The following ACIN1 variants were observed in gnomAD, a reference collection of about 807,000 sequenced individuals.
The protein encoded by ACIN1 is apoptotic chromatin condensation inducer 1, also known as apoptotic chromatin condensation inducer in the nucleus.
A neutral mutation model predicts 146.6 loss-of-function variants in ACIN1; 16 were observed. That is an observed-to-expected ratio of 0.11 (90% CI 0.07 to 0.17). The LOEUF is 0.17. Ranked by LOEUF, ACIN1 falls within the 10% of genes least tolerant of loss-of-function variation. ACIN1 has a pLI of 1.00. For synonymous variants in ACIN1, 569 were observed against 582.7 expected, an observed-to-expected ratio of 0.98 and a Z score of 0.34; for missense variants, 1,357 against 1,609.3, an observed-to-expected ratio of 0.84 and a Z score of 2.68.
Position 23,079,641 on chromosome 14 carries a change from G to A in ACIN1, c.1694C>T (p.Pro565Leu). The A allele has an allele frequency of 3.1e-6, 5 of 1,614,196 alleles. No homozygotes were observed. Among genetic ancestry groups the A allele is most frequent in the Non-Finnish European group, 4.2e-6 (5 of 1,180,028 alleles). Residue 565 changes from proline (P) to leucine (L), a missense_variant, in exon 6 of 19, where the codon CCT (proline) becomes CTT (leucine). By Grantham distance (98) the Pro-to-Leu change is moderately conservative. Transcript: ENST00000605057. ...DVAQARTHAN[P>L]RGRPKMGSRS... ...GGAGCCCATCTTGGGTCTACCACGAGGGTTGGCATGAGTACGTGCCTGGGC... is the reference window on the plus strand; with the variant it reads ...GGAGCCCATCTTGGGTCTACCACGAAGGTTGGCATGAGTACGTGCCTGGGC...
intron 4 of ACIN1, among the ~76,000 whole-genome samples, chr14:23,083,724 G>A (rs1455225550): frequency 1.3e-5 from 2 of 152,004 alleles, no homozygotes; most frequent in African/African-American, 4.8e-5. Context: ...GCGAGACTCC[G>A]TCTCAAAAAA....
chr14:23,095,183 A>C (rs1248722632), upstream of ACIN1: 1 of 1,614,024 alleles, frequency 6.2e-7, no homozygotes, highest in Non-Finnish European at 8.5e-7. Context: ...ACGCCCTTCG[A>C]ACGTACCGAG....
Position 23,085,783 on chromosome 14 carries a change from C to T in ACIN1, c.437-3947G>A, listed in dbSNP as rs997094707. 1.6e-4 allele frequency among the ~76,000 whole-genome samples: 24 copies of T among 152,252 alleles called. No homozygotes were observed. The South Asian group carries it at 2.7e-3, about 17-fold the overall frequency. The stretch of plus-strand genomic sequence containing the variant: ...ACATGGCCACAATGAATGTCTTAGG[C>T]CAGATGTTAGTAACACGTGTAGACA... On this transcript the variant is annotated intron_variant, in intron 4 of 18. Coordinates refer to ENST00000605057, the MANE Select transcript of ACIN1 (RefSeq NM_001386863.1).
At chr14:23,071,256 C>T in intron 8 of ACIN1, 1 of 1,511,382 alleles carries the variant, frequency 6.6e-7, no homozygotes, top group East Asian at 2.5e-5. Context: ...AAAACCACAC[C>T]TTCCTTGTTC....
At chr14:23,074,134 G>A (rs556208478) in intron 8 of ACIN1, among the ~76,000 whole-genome samples, 30 of 151,614 alleles carry the variant, frequency 2.0e-4, no homozygotes, top group African/African-American at 5.3e-4. Context: ...CATCATGCCC[G>A]GCCGAAAATT....
chr14:23,080,456 A>G lies in ACIN1; in HGVS notation c.879T>C (p.His293=). The part of the protein sequence containing the change: ...TRSQEEARKS[H]LARQQQEKEM... The stretch of plus-strand genomic sequence containing the variant: ...CCTTCTCCTGCTGCTGTCTGGCCAG[A>G]TGACTTTTTCTAGCCTCTTCCTGGG... The change falls in exon 6 of 19, where the codon CAT becomes CAC. Residue 293 remains histidine, a synonymous_variant. Transcript: ENST00000605057. 1 of 1,614,016 alleles carries G rather than the reference A, an allele frequency of 6.2e-7. No homozygotes were observed. The highest frequency in any genetic ancestry group is 1.1e-5 in the South Asian group (1 of 91,072).
intron 9 of ACIN1, chr14:23,069,012 G>A (rs772373999): frequency 5.1e-6 from 5 of 986,188 alleles, no homozygotes; most frequent in Non-Finnish European, 6.0e-6. Flanking sequence ...CATCTCTGCA[G>A]TCAGACCACT....
intron 8 of ACIN1, 35 bp from the exon 9 acceptor site, chr14:23,069,652 G>GGTGGGGGGGGGGGGGGGGGGC: frequency 1.7e-6 from 1 of 577,974 alleles, no homozygotes; most frequent in African/African-American, 1.9e-5. Context: ...GGGGGGGCGG[G>GGTGGGGGGGGGGGGGGGGGGC]CAGAAAAGAA....
chr14:23,079,650 T>A lies in ACIN1; in HGVS notation c.1685A>T (p.His562Leu). The part of the protein sequence containing the change: ...KQRDVAQART[H>L]ANPRGRPKMG... ...CTTGGGTCTACCACGAGGGTTGGCA[T>A]GAGTACGTGCCTGGGCTACATCTCT... Residue 562 changes from histidine (H) to leucine (L), a missense_variant, in exon 6 of 19, where the codon CAT (histidine) becomes CTT (leucine). Physicochemically the swap from His to Leu is moderately conservative, Grantham distance 99 (BLOSUM62 -3). Transcript: ENST00000605057. 6.2e-7 allele frequency: 1 copy of A among 1,614,194 alleles called. No homozygotes were observed. Among genetic ancestry groups the A allele is most frequent in the Non-Finnish European group, 8.5e-7 (1 of 1,180,026 alleles).
chr14:23,080,171 G>T lies in ACIN1; in HGVS notation c.1164C>A (p.Pro388=). Residue 388 remains proline (P), a synonymous_variant, in exon 6 of 19, where the codon CCC becomes CCA. Transcript: ENST00000605057. ...EEIEPMEGPA[P]AVLIQLSPPN... ...GAGGAGATAACTGAATGAGGACAGC[G>T]GGGGCTGGGCCTTCCATGGGCTCTA... 2 of 1,614,016 alleles carry T rather than the reference G, an allele frequency of 1.2e-6. No individual in the cohort carries two copies. Among genetic ancestry groups the T allele is most frequent in the Non-Finnish European group, 1.7e-6 (2 of 1,179,974 alleles).
At chr14:23,064,905 A>AAAAAAAAAG (rs1033491124) in intron 10 of ACIN1, among the ~76,000 whole-genome samples, 1 of 151,868 alleles carries the variant, frequency 6.6e-6, no homozygotes, top group East Asian at 1.9e-4. Context: ...TCAAAAAAAA[A>AAAAAAAAAG]AAAAGAAAAG....
Position 23,087,006 on chromosome 14 carries a change from C to T in ACIN1, c.436+2976G>A, listed in dbSNP as rs893560661. On this transcript the variant is annotated intron_variant, in intron 4 of 18. Coordinates refer to ENST00000605057, the MANE Select transcript of ACIN1 (RefSeq NM_001386863.1). Reference sequence around the variant, plus strand: ...TGGGTAGGGGCCAGGAATCCATATTCTTAAACATAGTAATATTAAAACAAA... The same window carrying T: ...TGGGTAGGGGCCAGGAATCCATATTTTTAAACATAGTAATATTAAAACAAA... 4.6e-5 allele frequency among the ~76,000 whole-genome samples: 7 copies of T among 150,598 alleles called. No individual in the cohort carries two copies. In the South Asian group the frequency reaches 8.5e-4, roughly 18 times the overall value.
intron 5 of ACIN1, among the ~76,000 whole-genome samples, 155 bp from the exon 6 acceptor site, chr14:23,080,964 C>T (rs769100860): frequency 2.6e-5 from 4 of 152,038 alleles, no homozygotes; most frequent in African/African-American, 4.8e-5. Context: ...TCATGACTAA[C>T]GTAGCCCTTA....
In ACIN1 at chr14:23,072,560, G is replaced by A. The variant is rs145574343; in HGVS notation, c.2124-2943C>T. Among the ~76,000 whole-genome samples the A allele has an allele frequency of 5.6e-3, 846 of 152,326 alleles. 2 individuals are homozygous for A. The highest frequency in any genetic ancestry group is 9.5e-3 in the Non-Finnish European group (649 of 68,020). On this transcript the variant is annotated intron_variant, in intron 8 of 18. Transcript: ENST00000605057. ...GAAACAGATGCTAATAGTTCAAAAA[G>A]TGCTCAGTAGATACTCAAAATGCTT...
Position 23,078,880 on chromosome 14 carries a change from C to A in ACIN1, c.1947G>T (p.Arg649Ser), listed in dbSNP as rs774345851. ...TSTSSSSVQARRLSQPESAEK... is the reference protein window; with the variant it reads ...TSTSSSSVQASRLSQPESAEK... ...CAGCTGATTCAGGCTGACTCAGACG[C>A]CTTGCTTGGACAGAGGATGAGGAGG... The change falls in exon 7 of 19, where the codon AGG (arginine) becomes AGT (serine). Residue 649 changes from arginine to serine, a missense_variant. By Grantham distance (110) the Arg-to-Ser change is moderately radical. Around this residue, in one of 4 missense-constraint regions of ACIN1, gnomAD observed 771 missense variants for 746.6 expected, o/e 1.03. Coordinates refer to ENST00000605057, the MANE Select transcript of ACIN1 (RefSeq NM_001386863.1). 1.2e-6 allele frequency: 2 copies of A among 1,613,884 alleles called. No homozygotes were observed. Among genetic ancestry groups the A allele is most frequent in the African/African-American group, 1.3e-5 (1 of 75,040 alleles).
rs2139990806 is a variant in ACIN1, at chr14:23,061,287, TA to T, written c.3424+10del. 6.2e-7 allele frequency: 1 copy of T among 1,613,862 alleles called. No individual in the cohort carries two copies. Among genetic ancestry groups the T allele is most frequent in the Non-Finnish European group, 8.5e-7 (1 of 1,179,798 alleles). On this transcript the variant is annotated intron_variant, in intron 17 of 18. Coordinates refer to ENST00000605057, the MANE Select transcript of ACIN1 (RefSeq NM_001386863.1). ...CTAGTGGGTATGCGTACCCCATAGC[TA>T]AGTACCTACCTTTCTTCTCACTCTT...
At chr14:23,095,320 G>C (rs369074292), upstream of ACIN1, 4 of 1,565,246 alleles carry the variant, frequency 2.6e-6, no homozygotes, top group South Asian at 3.5e-5. Flanking sequence ...CCGCCCTGCA[G>C]CGCCCCTTTT....
At chr14:23,089,873 A>G in intron 4 of ACIN1, 109 bp downstream of exon 4, 1 of 1,341,410 alleles carries the variant, frequency 7.5e-7, no homozygotes, top group Non-Finnish European at 9.8e-7. Flanking sequence ...ATGTCACAGA[A>G]TTTCCCTGGG....
In ACIN1 at chr14:23,061,249, C is replaced by T. The variant is rs190596466; in HGVS notation, c.3424+49G>A. 4.1e-5 allele frequency: 66 copies of T among 1,613,460 alleles called. 1 individual carries two copies. The highest frequency in any genetic ancestry group is 1.4e-5 in the Non-Finnish European group (16 of 1,179,436). On this transcript the variant is annotated intron_variant, in intron 17 of 18. Transcript: ENST00000605057. Reference sequence around the variant, plus strand: ...CCCTCTGTCCCATCCCATCTGGGTCCCTTTCCCACCTACTAGTGGGTATGC... The same window carrying T: ...CCCTCTGTCCCATCCCATCTGGGTCTCTTTCCCACCTACTAGTGGGTATGC...
Sources: gnomAD v4.1 joint callset for allele counts (sites outside exome capture counted in the v4.1 genomes callset) on GRCh38, gnomAD v4.1.1 for gene constraint, gnomAD v4.1.1 regional missense constraint, MANE v1.5 for transcripts, NCBI Gene and HGNC (gene_info 2026-07-23, HGNC 2026-07-21) for gene names.